DNAJB1: variants seen among roughly 807,000 people sequenced by gnomAD.
The protein encoded by DNAJB1 is DnaJ heat shock protein family (Hsp40) member B1, also known as dnaJ homolog subfamily B member 1.
Under a neutral mutation model 24.0 loss-of-function variants are expected in DNAJB1, and 14 were observed. The observed-to-expected ratio is 0.58, with a 90% CI of 0.39 to 0.91. The LOEUF (loss-of-function observed/expected upper bound fraction) is 0.91, where lower values mean the gene tolerates loss of function less well. Ranked by LOEUF, DNAJB1 falls within the 40% of genes least tolerant of loss-of-function variation. The pLI is 0.00. For synonymous variants in DNAJB1, 262 were observed against 174.4 expected, an observed-to-expected ratio of 1.50 and a Z score of -3.96; for missense variants, 517 against 458.1, an observed-to-expected ratio of 1.13 and a Z score of -1.17.
At chr19:14,551,405 T>A (rs1184169342), upstream of DNAJB1, among the ~76,000 whole-genome samples, 1 of 152,110 alleles carries the variant, frequency 6.6e-6, no homozygotes, top group East Asian at 1.9e-4. Flanking sequence ...AGAAGGAGTT[T>A]TGACATGTTG....
rs557404496 is a variant in DNAJB1 at position 14,541,798 on chromosome 19, T to C, written c.-214+8410A>G. ...ACTTCTTTTCATTTTTTTTTTTTTT[T>C]TGAGATGGAGTTTCACTCTTGTCAC... On this transcript the variant is annotated intron_variant, in intron 1 of 3. Coordinates refer to the DNAJB1 transcript ENST00000676982. Among the ~76,000 whole-genome samples, 83 of 151,980 alleles carry C rather than the reference T, an allele frequency of 5.5e-4. 1 individual carries two copies. The East Asian group carries it at 0.01, about 19-fold the overall frequency.
chr19:14,531,925 C>T (rs1370130725), upstream of DNAJB1: 1 of 149,544 alleles, frequency 6.7e-6, no homozygotes, highest in Non-Finnish European at 1.5e-5. Flanking sequence ...AGGAGGATGG[C>T]TTGAGCCCAG....
chr19:14,533,007 C>G (rs1025965986), upstream of DNAJB1, among the ~76,000 whole-genome samples: 5 of 151,740 alleles, frequency 3.3e-5, no homozygotes, highest in Admixed American at 3.3e-4. Flanking sequence ...CTACTGGCTT[C>G]GAGGCTGAGG....
intron 1 of DNAJB1, among the ~76,000 whole-genome samples, chr19:14,539,394 A>G (rs2073020325): frequency 6.6e-6 from 1 of 152,012 alleles, no homozygotes. Flanking sequence ...CTGTTGTGAC[A>G]AAGAATCATC....
At chr19:14,541,086 G>A (rs755348789) in intron 1 of DNAJB1, among the ~76,000 whole-genome samples, 1 of 151,992 alleles carries the variant, frequency 6.6e-6, no homozygotes, top group African/African-American at 2.4e-5. Context: ...TTGGCCTCCC[G>A]AAGTGCTGGG....
intron 1 of DNAJB1, among the ~76,000 whole-genome samples, chr19:14,539,657 A>G (rs543681366): frequency 6.6e-6 from 1 of 152,038 alleles, no homozygotes; most frequent in African/African-American, 2.4e-5. Context: ...CAGATACCCA[A>G]AACCACGTTC....
intron 1 of DNAJB1, among the ~76,000 whole-genome samples, chr19:14,549,358 A>G (rs111560024): frequency 0.083 from 12,577 of 151,854 alleles, 1,725 homozygotes; most frequent in African/African-American, 0.28. Context: ...GACTACAGGC[A>G]TGCGCCACCA....
chr19:14,560,218 G>C (rs928265417), exon 1 of DNAJB1, among the ~76,000 whole-genome samples: 7 of 152,198 alleles, frequency 4.6e-5, no homozygotes, highest in African/African-American at 2.4e-5. Context: ...TGCCCAGGTT[G>C]GGGGGAGCAG....
intron 1 of DNAJB1, among the ~76,000 whole-genome samples, chr19:14,528,869 G>T (rs1469735314): frequency 6.6e-5 from 10 of 152,130 alleles, no homozygotes. Context: ...GCTTGAACCC[G>T]GGAGGCGGAG....
At chr19:14,553,429 T>G (rs2073608370), upstream of DNAJB1, among the ~76,000 whole-genome samples, 1 of 152,060 alleles carries the variant, frequency 6.6e-6, no homozygotes, top group Non-Finnish European at 1.5e-5. Context: ...ACATTCTGCT[T>G]CCACTGTGGC....
chr19:14,544,357 G>A (rs1034266288), intron 1 of DNAJB1, among the ~76,000 whole-genome samples: 3 of 152,076 alleles, frequency 2.0e-5, no homozygotes, highest in Non-Finnish European at 2.9e-5. Flanking sequence ...TGTGGAACGA[G>A]TATGTGTATG....
chr19:14,544,330 G>T (rs1201670474), intron 1 of DNAJB1, among the ~76,000 whole-genome samples: 1 of 152,136 alleles, frequency 6.6e-6, no homozygotes, highest in Non-Finnish European at 1.5e-5. Context: ...TGGCCCTGGG[G>T]AGGGTCTCTG....
At chr19:14,548,015 G>GTGC (rs895928418) in intron 1 of DNAJB1, among the ~76,000 whole-genome samples, 150 of 149,316 alleles carry the variant, frequency 1.0e-3, no homozygotes, top group Non-Finnish European at 1.7e-3. Context: ...CCAGGCTGGA[G>GTGC]TGCAGTGGTG....
At chr19:14,535,231 G>A (rs1209333184) in intron 1 of DNAJB1, among the ~76,000 whole-genome samples, 1 of 151,680 alleles carries the variant, frequency 6.6e-6, no homozygotes, top group Non-Finnish European at 1.5e-5. Context: ...AAATTGGCCG[G>A]GTGCAGTGGC....
chr19:14,527,198 T>TTTTTTTGG (rs2072443388), intron 2 of DNAJB1, among the ~76,000 whole-genome samples: 1 of 96,574 alleles, frequency 1.0e-5, no homozygotes, highest in Admixed American at 1.2e-4. Context: ...TTTTTTTTTT[T>TTTTTTTGG]GAGACGGAGT....
At chr19:14,559,712 G>C (rs1239763554) in intron 1 of DNAJB1, among the ~76,000 whole-genome samples, 1 of 151,956 alleles carries the variant, frequency 6.6e-6, no homozygotes, top group Non-Finnish European at 1.5e-5. Flanking sequence ...GTTTGAACCT[G>C]GGGGGCGGAG....
chr19:14,554,526 G>A (rs1265531676), upstream of DNAJB1, among the ~76,000 whole-genome samples: 1 of 152,206 alleles, frequency 6.6e-6, no homozygotes, highest in African/African-American at 2.4e-5. Context: ...GGAAGCACCA[G>A]TCTTGGCTTG....
upstream of DNAJB1, among the ~76,000 whole-genome samples, chr19:14,520,969 G>T (rs936555400): frequency 6.3e-4 from 96 of 152,264 alleles, no homozygotes; most frequent in African/African-American, 2.3e-3. Context: ...CTCCAGCCTG[G>T]ATGACAGTGA....
At chr19:14,522,292 C>T (rs899482810), upstream of DNAJB1, among the ~76,000 whole-genome samples, 6 of 151,894 alleles carry the variant, frequency 4.0e-5, no homozygotes, top group Non-Finnish European at 8.8e-5. Flanking sequence ...AGGATGTAAG[C>T]GGGCCTCATC....
Sources: allele counts gnomAD v4.1 joint callset (sites outside exome capture counted in the v4.1 genomes callset), GRCh38; gene constraint gnomAD v4.1.1; transcripts MANE v1.5; gene names NCBI Gene and HGNC (gene_info 2026-07-23, HGNC 2026-07-21).